Variants in GTF2IRD1 observed in about 807,000 individuals in gnomAD.
GTF2IRD1 encodes the protein general transcription factor II-I repeat domain-containing protein 1.
GTF2IRD1 carries 26 observed loss-of-function variants against 113.2 expected under a neutral mutation model. The observed-to-expected ratio is 0.23, with a 90% CI of 0.17 to 0.32. The LOEUF is 0.32. Ranked by LOEUF, GTF2IRD1 falls within the 10% of genes least tolerant of loss-of-function variation. The pLI, the probability that GTF2IRD1 is intolerant of heterozygous loss-of-function variation, is 1.00. For synonymous variants in GTF2IRD1, 484 were observed against 529.1 expected (o/e 0.91, Z 1.17); for missense variants, 864 against 1,280.8 (o/e 0.67, Z 4.97).
intron 24 of GTF2IRD1, 26 bp downstream of exon 24, chr7:74,591,043 G>T (rs376100250): frequency 1.1e-5 from 17 of 1,557,400 alleles, no homozygotes; most frequent in Non-Finnish European, 1.5e-5. Flanking sequence ...CTGGAACGGG[G>T]AACAGAGAGG....
chr7:74,507,832 C>T (rs560914873), intron 1 of GTF2IRD1, among the ~76,000 whole-genome samples: 1 of 152,270 alleles, frequency 6.6e-6, no homozygotes, highest in South Asian at 2.1e-4. Context: ...GTGCTGGGCT[C>T]AGCTTGGGTG....
At chr7:74,478,032 G>A (rs1200908986) in intron 1 of GTF2IRD1, among the ~76,000 whole-genome samples, 4 of 152,230 alleles carry the variant, frequency 2.6e-5, no homozygotes, top group African/African-American at 4.8e-5. Flanking sequence ...CAGCCCCCAC[G>A]CTTTTCAGAT....
chr7:74,533,845 C>T (rs1293067180), intron 9 of GTF2IRD1, among the ~76,000 whole-genome samples: 1 of 151,970 alleles, frequency 6.6e-6, no homozygotes, highest in Admixed American at 6.6e-5. Context: ...GTGGACAACA[C>T]AGTAAGACCC....
At chr7:74,482,572 A>T (rs530765619) in intron 1 of GTF2IRD1, among the ~76,000 whole-genome samples, 2 of 152,132 alleles carry the variant, frequency 1.3e-5, no homozygotes, top group South Asian at 4.2e-4. Context: ...GTTGTAAGAG[A>T]AACACCTTGA....
chr7:74,590,032 GC>G, intron 23 of GTF2IRD1, 104 bp downstream of exon 23: 2 of 692,864 alleles, frequency 2.9e-6, no homozygotes, highest in Admixed American at 5.0e-5. Context: ...CCAGCTGGCT[GC>G]CTGCTCCCTG....
chr7:74,580,870 A>C (rs1272222342), intron 22 of GTF2IRD1, among the ~76,000 whole-genome samples: 1 of 152,140 alleles, frequency 6.6e-6, no homozygotes, highest in African/African-American at 2.4e-5. Flanking sequence ...CTGAGTCCTA[A>C]CTATGACATT....
At position 74,535,096 on chromosome 7, in the gene GTF2IRD1, C is replaced by A; in HGVS notation, c.1275-17C>A. 6.2e-7 allele frequency: 1 copy of A among 1,611,006 alleles called. No homozygotes were observed. The highest frequency in any genetic ancestry group is 8.5e-7 in the Non-Finnish European group (1 of 1,177,212). ...CAGCCTGCACTGTTCTCATGCCTGTCTCTCTTCTCTCCCCAGGATGTTTGA... is the reference window on the plus strand; with the variant it reads ...CAGCCTGCACTGTTCTCATGCCTGTATCTCTTCTCTCCCCAGGATGTTTGA... On this transcript the variant is annotated splice_polypyrimidine_tract_variant and intron_variant, in intron 9 of 26. Transcript: ENST00000424337.
In GTF2IRD1 at chr7:74,512,772, C is replaced by G. The variant is rs545837941; in HGVS notation, c.124-58C>G. ...TCACATCCCACCCCCGAAGTGGATA[C>G]TAGAGGTGTTCGGAGTATGGGGAGC... is the stretch of plus-strand genomic sequence containing the variant. On this transcript the variant is annotated intron_variant, in intron 2 of 26. Coordinates refer to ENST00000424337, the MANE Select transcript of GTF2IRD1 (RefSeq NM_005685.4). This position sits in a 1 kb window ranked among gnomAD's most constrained non-coding sequence, Gnocchi z 4.4. 400 of 1,563,382 alleles carry G rather than the reference C, an allele frequency of 2.6e-4. No individual in the cohort carries two copies. Among genetic ancestry groups the G allele is most frequent in the Non-Finnish European group, 3.3e-4 (377 of 1,143,058 alleles).
At chr7:74,459,350 C>T (rs982522263) in intron 1 of GTF2IRD1, among the ~76,000 whole-genome samples, 16 of 151,794 alleles carry the variant, frequency 1.1e-4, no homozygotes, top group African/African-American at 3.6e-4. Flanking sequence ...CCCAACTGCT[C>T]GGGAGGCTGA....
chr7:74,596,840 A>C (rs1294070004), intron 25 of GTF2IRD1, among the ~76,000 whole-genome samples: 3 of 152,082 alleles, frequency 2.0e-5, no homozygotes, highest in Admixed American at 2.0e-4. Context: ...ACCCTGCTTC[A>C]GTTCTGAGAT....
chr7:74,574,297 C>T lies in GTF2IRD1; in HGVS notation c.2320+14642C>T, dbSNP rs587595597. Among the ~76,000 whole-genome samples the T allele has an allele frequency of 1.4e-3, 204 of 150,920 alleles. 1 individual carries two copies. Among genetic ancestry groups the T allele is most frequent in the African/African-American group, 1.6e-3 (67 of 41,054 alleles). Reference sequence around the variant, plus strand: ...GATTACTGGTGTGAGCCACTGAGCCCGGCCTCATTATTCTTATTTAATATT... The same window carrying T: ...GATTACTGGTGTGAGCCACTGAGCCTGGCCTCATTATTCTTATTTAATATT... On this transcript the variant is annotated intron_variant, in intron 22 of 26. Coordinates refer to ENST00000424337, the MANE Select transcript of GTF2IRD1 (RefSeq NM_005685.4).
chr7:74,569,747 G>A (rs1440433438), intron 22 of GTF2IRD1, among the ~76,000 whole-genome samples: 1 of 152,160 alleles, frequency 6.6e-6, no homozygotes, highest in Non-Finnish European at 1.5e-5. Flanking sequence ...CGATGGATGG[G>A]GTTAGGATCT....
At position 74,455,473 on chromosome 7, in the gene GTF2IRD1, C is replaced by T. The variant is rs1194632779; in HGVS notation, c.-7+1297C>T. On this transcript the variant is annotated intron_variant, in intron 1 of 26. Coordinates refer to ENST00000424337, the MANE Select transcript of GTF2IRD1 (RefSeq NM_005685.4). ...GGGCCTTGGGACTTGGAAGGTGCCC[C>T]AAGCAGCTCATTTATTTCAGCAGTG... Among the ~76,000 whole-genome samples the T allele has an allele frequency of 2.6e-5, 4 of 152,336 alleles. No individual in the cohort carries two copies. In the East Asian group the frequency reaches 7.7e-4, roughly 29 times the overall value.
chr7:74,548,295 GCCTGTAGTT>G (rs1562859671), intron 17 of GTF2IRD1, among the ~76,000 whole-genome samples: 1 of 152,120 alleles, frequency 6.6e-6, no homozygotes, highest in Non-Finnish European at 1.5e-5. Flanking sequence ...GGTGGTGGGT[GCCTGTAGTT>G]CCAGCTACTC....
intron 22 of GTF2IRD1, among the ~76,000 whole-genome samples, chr7:74,568,039 A>G (rs1192981412): frequency 6.6e-6 from 1 of 151,958 alleles, no homozygotes; most frequent in Non-Finnish European, 1.5e-5. Flanking sequence ...CACCTGCCTC[A>G]GCCTCCCAAA....
At chr7:74,489,718 C>G (rs773934522) in intron 1 of GTF2IRD1, among the ~76,000 whole-genome samples, 24 of 152,152 alleles carry the variant, frequency 1.6e-4, no homozygotes, top group Non-Finnish European at 3.1e-4. Flanking sequence ...GAATTGGGTT[C>G]TGGCCTCTCC....
intron 22 of GTF2IRD1, among the ~76,000 whole-genome samples, chr7:74,581,584 C>G (rs1224101243): frequency 9.9e-5 from 15 of 152,220 alleles, no homozygotes; most frequent in Non-Finnish European, 1.0e-4. Flanking sequence ...CTGCCCTGCC[C>G]CACCTGAGGC....
chr7:74,471,295 G>C (rs958619475), intron 1 of GTF2IRD1, among the ~76,000 whole-genome samples: 2 of 152,110 alleles, frequency 1.3e-5, no homozygotes, highest in Non-Finnish European at 2.9e-5. Context: ...CAGCACTTTG[G>C]AAGACTGAGG....
chr7:74,457,701 G>A (rs1407274528), intron 1 of GTF2IRD1, among the ~76,000 whole-genome samples: 4 of 151,920 alleles, frequency 2.6e-5, no homozygotes, highest in Non-Finnish European at 4.4e-5. Context: ...TCTCAGATGC[G>A]TGGCAGCCAG....
Sources: allele counts gnomAD v4.1 joint callset (sites outside exome capture counted in the v4.1 genomes callset), GRCh38; gene constraint gnomAD v4.1.1; non-coding constraint Gnocchi (gnomAD v3.1); transcripts MANE v1.5; gene names NCBI Gene and HGNC (gene_info 2026-07-23, HGNC 2026-07-21).